The following TULP4 variants were observed in gnomAD, a reference collection of about 807,000 sequenced individuals.
The protein encoded by TULP4 is TUB like protein 4, also known as tubby-related protein 4.
A neutral mutation model predicts 129.0 loss-of-function variants in TULP4; 16 were observed. The observed-to-expected ratio is 0.12, with a 90% CI of 0.08 to 0.19. The LOEUF (loss-of-function observed/expected upper bound fraction) is 0.19. Among genes scored for constraint, TULP4 ranks in the 10% least tolerant of loss-of-function variants. TULP4 has a pLI of 1.00. For missense variants in TULP4, 1,842 were observed against 2,059.1 expected (o/e 0.89, Z 2.04); for synonymous variants, 998 against 854.0 (o/e 1.17, Z -2.94).
At chr6:158,460,674 A>T (rs943260189) in intron 5 of TULP4, among the ~76,000 whole-genome samples, 14 of 152,356 alleles carry the variant, frequency 9.2e-5, no homozygotes, top group African/African-American at 3.4e-4. Flanking sequence ...AAGCCCCACA[A>T]CATCATCAAA....
In TULP4 at chr6:158,274,155, G is replaced by A. The variant is rs201081063; in HGVS notation, n.69-37896G>A. Among the ~76,000 whole-genome samples the A allele has an allele frequency of 1.8e-4, 28 of 152,276 alleles. No homozygotes were observed. The East Asian group carries it at 5.2e-3, about 28-fold the overall frequency. ...CACCTGCAGTCCCGGCTACTTGGGAGGCTGAGGCAGGAGAATTGCTTGAAC... is the reference window on the plus strand; with the variant it reads ...CACCTGCAGTCCCGGCTACTTGGGAAGCTGAGGCAGGAGAATTGCTTGAAC... On this transcript the variant is annotated intron_variant and non_coding_transcript_variant, in intron 1 of 1. Transcript: ENST00000620026.
At chr6:158,389,185 C>T (rs1777530833) in intron 1 of TULP4, among the ~76,000 whole-genome samples, 1 of 152,214 alleles carries the variant, frequency 6.6e-6, no homozygotes, top group African/African-American at 2.4e-5. Flanking sequence ...TATGGTGGCT[C>T]ATGCCTGTAA....
chr6:158,436,811 A>AGTACTAGT (rs1296982780), intron 3 of TULP4, among the ~76,000 whole-genome samples: 1 of 152,226 alleles, frequency 6.6e-6, no homozygotes, highest in African/African-American at 2.4e-5. Context: ...GTCTTGGCAC[A>AGTACTAGT]TGCAGTACTA....
At chr6:158,394,844 AG>A in intron 1 of TULP4, among the ~76,000 whole-genome samples, 1 of 150,044 alleles carries the variant, frequency 6.7e-6, no homozygotes, top group South Asian at 2.1e-4. Flanking sequence ...TAATTTATGA[AG>A]AAAAGAGATT....
intron 1 of TULP4, among the ~76,000 whole-genome samples, chr6:158,401,052 TG>T (rs778472664): frequency 0.17 from 8,163 of 49,118 alleles, 279 homozygotes; most frequent in Non-Finnish European, 0.24. Context: ...TTGGGTTTTT[TG>T]TTGTTGTTGT....
intron 1 of TULP4, among the ~76,000 whole-genome samples, chr6:158,352,411 T>G (rs1780546351): frequency 6.6e-6 from 1 of 152,240 alleles, no homozygotes; most frequent in Admixed American, 6.5e-5. Context: ...ACTGGTTCTT[T>G]TTTTGAGACG....
At chr6:158,398,149 C>T (rs552420782) in intron 1 of TULP4, among the ~76,000 whole-genome samples, 2 of 152,170 alleles carry the variant, frequency 1.3e-5, no homozygotes, top group African/African-American at 2.4e-5. Flanking sequence ...GGGCCTTTCT[C>T]CCATAGACAC....
chr6:158,375,443 G>A (rs1777161507), intron 1 of TULP4, among the ~76,000 whole-genome samples: 2 of 152,206 alleles, frequency 1.3e-5, no homozygotes, highest in Non-Finnish European at 2.9e-5. Flanking sequence ...GTTTGGTGAG[G>A]AGACAGGACA....
chr6:158,372,909 A>G (rs1777102968), intron 1 of TULP4, among the ~76,000 whole-genome samples: 1 of 152,264 alleles, frequency 6.6e-6, no homozygotes, highest in Admixed American at 6.5e-5. Flanking sequence ...CGTTAGGCAT[A>G]TAAAGAACTA....
chr6:158,330,655 A>G (rs1256335197), intron 1 of TULP4, among the ~76,000 whole-genome samples: 1 of 152,212 alleles, frequency 6.6e-6, no homozygotes, highest in East Asian at 1.9e-4. Context: ...TTTAACGTCA[A>G]TTCAATACTT....
In TULP4 at chr6:158,453,814, G is replaced by A. The variant is rs367810231; in HGVS notation, c.859+1546G>A. 3.1e-3 allele frequency among the ~76,000 whole-genome samples: 468 copies of A among 149,096 alleles called. 2 individuals are homozygous for A. Among genetic ancestry groups the A allele is most frequent in the African/African-American group, 0.011 (450 of 40,110 alleles). On this transcript the variant is annotated intron_variant, in intron 5 of 13. Coordinates refer to ENST00000367097, the MANE Select transcript of TULP4 (RefSeq NM_020245.5). ...GGAAAAAAAAAAAAAAAAGCCAGGTGTGGTGGCGTGTGCCTATAGTCCCAG... is the reference window on the plus strand; with the variant it reads ...GGAAAAAAAAAAAAAAAAGCCAGGTATGGTGGCGTGTGCCTATAGTCCCAG...
At chr6:158,272,816 T>C (rs1253323479) in intron 1 of TULP4, among the ~76,000 whole-genome samples, 1 of 152,254 alleles carries the variant, frequency 6.6e-6, no homozygotes, top group East Asian at 1.9e-4. Flanking sequence ...TTGTGTAACT[T>C]TACTATAGTA....
intron 1 of TULP4, among the ~76,000 whole-genome samples, chr6:158,397,023 G>C (rs950396630): frequency 6.6e-6 from 1 of 152,188 alleles, no homozygotes; most frequent in African/African-American, 2.4e-5. Flanking sequence ...GGTTTGCTCA[G>C]CAGGAGAGAG....
At chr6:158,308,908 G>C (rs1779273135), upstream of TULP4, among the ~76,000 whole-genome samples, 1 of 142,560 alleles carries the variant, frequency 7.0e-6, no homozygotes, top group Non-Finnish European at 1.5e-5. Context: ...CTCCCTCCCG[G>C]ACGGGGCGGC....
chr6:158,505,101 T>A (rs999507262), intron 13 of TULP4, among the ~76,000 whole-genome samples: 4 of 152,194 alleles, frequency 2.6e-5, no homozygotes, highest in African/African-American at 9.7e-5. Context: ...TCTCTGTATA[T>A]GGAAGTCATT....
intron 9 of TULP4, among the ~76,000 whole-genome samples, chr6:158,490,432 G>A (rs780866630): frequency 4.0e-4 from 61 of 152,250 alleles, no homozygotes; most frequent in Non-Finnish European, 7.4e-4. Context: ...CTGTAATGCC[G>A]TAATTGGGAA....
At chr6:158,468,629 G>A (rs1779605938) in intron 6 of TULP4, among the ~76,000 whole-genome samples, 1 of 152,202 alleles carries the variant, frequency 6.6e-6, no homozygotes, top group African/African-American at 2.4e-5. Flanking sequence ...GACAACAACA[G>A]GAAGTAAGAC....
intron 1 of TULP4, among the ~76,000 whole-genome samples, chr6:158,266,642 GA>G (rs768298559): frequency 5.9e-5 from 9 of 151,492 alleles, no homozygotes; most frequent in African/African-American, 1.5e-4. Flanking sequence ...AACGTTCAAA[GA>G]AAAAAAATAC....
intron 6 of TULP4, among the ~76,000 whole-genome samples, chr6:158,478,643 C>T (rs76218829): frequency 0.01 from 1,588 of 152,264 alleles, 26 homozygotes; most frequent in African/African-American, 0.036. Flanking sequence ...GCCATCACCC[C>T]ACCCTGCAAC....
Sources: allele counts gnomAD v4.1 joint callset (sites outside exome capture counted in the v4.1 genomes callset), GRCh38; gene constraint gnomAD v4.1.1; transcripts MANE v1.5; gene names NCBI Gene and HGNC (gene_info 2026-07-23, HGNC 2026-07-21).